The following EIF4E variants were observed in gnomAD, a reference collection of about 807,000 sequenced individuals.
The protein encoded by EIF4E is eukaryotic translation initiation factor 4E, also known as eIF-4F 25 kDa subunit.
For synonymous variants in EIF4E, 71 were observed against 88.5 expected (o/e 0.80, Z 1.11); for missense variants, 113 against 265.6 (o/e 0.43, Z 3.99).
chr4:98,919,123 G>A (rs1393716733), intron 1 of EIF4E, among the ~76,000 whole-genome samples: 1 of 151,994 alleles, frequency 6.6e-6, no homozygotes, highest in Non-Finnish European at 1.5e-5. Context: ...CCTAGCCAAC[G>A]TGGTGAAATG....
intron 1 of EIF4E, among the ~76,000 whole-genome samples, chr4:98,915,819 G>A (rs1228666998): frequency 6.6e-6 from 1 of 151,844 alleles, no homozygotes; most frequent in Non-Finnish European, 1.5e-5. Flanking sequence ...TAGGATTACA[G>A]ACGTGAGCCA....
At chr4:98,920,115 G>A (rs1725580130) in intron 1 of EIF4E, among the ~76,000 whole-genome samples, 1 of 152,114 alleles carries the variant, frequency 6.6e-6, no homozygotes, top group Non-Finnish European at 1.5e-5. Flanking sequence ...GGGCAATTTG[G>A]AAAGGGGAAT....
intron 1 of EIF4E, among the ~76,000 whole-genome samples, chr4:98,927,740 A>T (rs975978937): frequency 6.6e-6 from 1 of 151,592 alleles, no homozygotes; most frequent in Non-Finnish European, 1.5e-5. Flanking sequence ...ACAAGCTACC[A>T]TGAAAAGATA....
intron 6 of EIF4E, among the ~76,000 whole-genome samples, chr4:98,884,055 C>T (rs888763495): frequency 1.4e-5 from 2 of 142,632 alleles, no homozygotes; most frequent in African/African-American, 2.6e-5. Flanking sequence ...AAAAAAAAAG[C>T]CACTTTTGCA....
intron 1 of EIF4E, 60 bp downstream of exon 1, chr4:98,929,035 A>C: frequency 6.4e-7 from 1 of 1,570,596 alleles, no homozygotes; most frequent in Non-Finnish European, 8.6e-7. Context: ...GGAGTCCCCC[A>C]GTCAGAAGGA....
chr4:98,910,840 T>C (rs1326776431), intron 1 of EIF4E, among the ~76,000 whole-genome samples: 1 of 151,172 alleles, frequency 6.6e-6, no homozygotes, highest in African/African-American at 2.4e-5. Flanking sequence ...AGCAGTTCTC[T>C]TGCCTCAGCT....
At chr4:98,884,519 C>T (rs976314549) in intron 6 of EIF4E, among the ~76,000 whole-genome samples, 1 of 152,048 alleles carries the variant, frequency 6.6e-6, no homozygotes, top group Non-Finnish European at 1.5e-5. Context: ...GCCTGGCCAA[C>T]GTGGCAAAAC....
At chr4:98,883,505 T>C (rs1452893760) in intron 6 of EIF4E, among the ~76,000 whole-genome samples, 1 of 149,970 alleles carries the variant, frequency 6.7e-6, no homozygotes, top group Non-Finnish European at 1.5e-5. Flanking sequence ...TTCATGCCAT[T>C]CTCCTGCCTC....
At chr4:98,886,866 A>G (rs754662507) in intron 5 of EIF4E, 23 of 519,698 alleles carry the variant, frequency 4.4e-5, no homozygotes, top group Non-Finnish European at 7.3e-5. Context: ...TCAACTGCCA[A>G]TCACTTAAAA....
chr4:98,889,032 G>A (rs1479840700), intron 3 of EIF4E, among the ~76,000 whole-genome samples: 7 of 152,016 alleles, frequency 4.6e-5, no homozygotes, highest in Middle Eastern at 3.4e-3. Context: ...GGTGGCATGC[G>A]CCTGTAATCC....
chr4:98,900,031 T>A (rs1418542612), intron 2 of EIF4E, among the ~76,000 whole-genome samples: 1 of 151,298 alleles, frequency 6.6e-6, no homozygotes, highest in East Asian at 1.9e-4. Context: ...CACTTAAGAA[T>A]CCCTTCTTAG....
intron 1 of EIF4E, among the ~76,000 whole-genome samples, chr4:98,904,640 A>G (rs9996959): frequency 0.47 from 71,153 of 151,820 alleles, 18,033 homozygotes; most frequent in African/African-American, 0.67. Flanking sequence ...GCGTGGTAGC[A>G]CGCGCCTGTA....
intron 1 of EIF4E, among the ~76,000 whole-genome samples, chr4:98,907,979 A>G (rs573533951): frequency 1.3e-5 from 2 of 152,344 alleles, no homozygotes; most frequent in East Asian, 3.9e-4. Context: ...CAAACTCTGG[A>G]GAAGTTCCAG....
intron 1 of EIF4E, among the ~76,000 whole-genome samples, chr4:98,928,252 T>C (rs1199951271): frequency 6.6e-6 from 1 of 151,846 alleles, no homozygotes; most frequent in Non-Finnish European, 1.5e-5. Context: ...GCCGACCGGC[T>C]ACAGCGATCT....
chr4:98,900,210 A>G (rs1340462020), intron 2 of EIF4E, among the ~76,000 whole-genome samples: 12 of 152,138 alleles, frequency 7.9e-5, no homozygotes, highest in Admixed American at 1.3e-4. Context: ...GTTAAACTAT[A>G]TAAGACTGCC....
At chr4:98,915,545 CT>C (rs879404692) in intron 1 of EIF4E, among the ~76,000 whole-genome samples, 1,501 of 144,118 alleles carry the variant, frequency 0.01, 23 homozygotes, top group African/African-American at 0.032. Context: ...TTGTAAATTA[CT>C]TTTTTTTTTT....
rs767708353 is a variant in EIF4E at position 98,901,958 on chromosome 4, G to A, written c.43C>T (p.Pro15Ser). 4 of 1,613,608 alleles carry A rather than the reference G, an allele frequency of 2.5e-6. No individual in the cohort carries two copies. The South Asian group carries it at 4.4e-5, about 18-fold the overall frequency. Reference sequence around the variant, plus strand: ...TCCGTTTTCTCCTCTTCTGTAGTCGGGGGATTAGGAGTAGGGGTGGTTTCC... The same window carrying A: ...TCCGTTTTCTCCTCTTCTGTAGTCGAGGGATTAGGAGTAGGGGTGGTTTCC... ...EPETTPTPNPPTTEEEKTESN... is the reference protein window; with the variant it reads ...EPETTPTPNPSTTEEEKTESN... Residue 15 changes from proline (P) to serine (S), a missense_variant, in exon 2 of 7, where the codon CCG (proline) becomes TCG (serine). Physicochemically the swap from Pro to Ser is moderately conservative, Grantham distance 74. Coordinates refer to ENST00000450253, the MANE Select transcript of EIF4E (RefSeq NM_001968.5).
At chr4:98,925,320 A>G (rs1725822635) in intron 1 of EIF4E, among the ~76,000 whole-genome samples, 1 of 152,212 alleles carries the variant, frequency 6.6e-6, no homozygotes, top group African/African-American at 2.4e-5. Context: ...ACAAGTCAAA[A>G]AAAAATTTTT....
chr4:98,882,888 A>C (rs943656342), intron 6 of EIF4E, among the ~76,000 whole-genome samples: 1 of 152,334 alleles, frequency 6.6e-6, no homozygotes, highest in Non-Finnish European at 1.5e-5. Context: ...AAGAAACATT[A>C]AAATATGATG....
Sources: gnomAD v4.1 joint callset for allele counts (sites outside exome capture counted in the v4.1 genomes callset) on GRCh38, gnomAD v4.1.1 for gene constraint, MANE v1.5 for transcripts, NCBI Gene and HGNC (gene_info 2026-07-23, HGNC 2026-07-21) for gene names.